Variants in CLIP4 observed in about 807,000 individuals in gnomAD.
CLIP4 encodes CAP-Gly domain containing linker protein family member 4, also known as CAP-Gly domain-containing linker protein 4.
In CLIP4, 47 loss-of-function variants were observed where a neutral mutation model predicts 73.1. That is an observed-to-expected ratio of 0.64 (90% CI 0.51 to 0.82). The LOEUF (loss-of-function observed/expected upper bound fraction) is 0.82. Ranked by LOEUF, CLIP4 falls within the 40% of genes least tolerant of loss-of-function variation. CLIP4 has a pLI of 0.00. For missense variants in CLIP4, 874 were observed against 852.9 expected (o/e 1.02, Z -0.31); for synonymous variants, 306 against 295.4 (o/e 1.04, Z -0.37).
In CLIP4 at chr2:29,152,593, T is replaced by C; in HGVS notation, c.1022-92T>C. ...ACATGCAGTGGGCACTAAAGGTTTATATTAAAGATTTATGTTACTAATTAG... is the reference window on the plus strand; with the variant it reads ...ACATGCAGTGGGCACTAAAGGTTTACATTAAAGATTTATGTTACTAATTAG... On this transcript the variant is annotated intron_variant, in intron 8 of 15. Transcript: ENST00000320081. 3.7e-6 allele frequency: 5 copies of C among 1,341,868 alleles called. No individual in the cohort carries two copies. The South Asian group carries it at 4.2e-5, about 11-fold the overall frequency. The allele number at this position is 1,341,868 out of a possible 1,614,324, so 83.1% of individuals were successfully genotyped here.
At chr2:29,180,528 C>G (rs1464075593) in intron 15 of CLIP4, among the ~76,000 whole-genome samples, 1 of 152,036 alleles carries the variant, frequency 6.6e-6, no homozygotes, top group East Asian at 1.9e-4. Context: ...GGTGCTAAAC[C>G]TTTAACCGTA....
At chr2:29,117,683 G>C (rs150076554) in intron 1 of CLIP4, among the ~76,000 whole-genome samples, 325 of 152,332 alleles carry the variant, frequency 2.1e-3, no homozygotes, top group African/African-American at 7.3e-3. Context: ...TAGCTGGTCA[G>C]ATGCCACAGC....
At chr2:29,142,592 T>G (rs1572939103) in intron 6 of CLIP4, among the ~76,000 whole-genome samples, 1 of 152,196 alleles carries the variant, frequency 6.6e-6, no homozygotes, top group South Asian at 2.1e-4. Flanking sequence ...ATCCTAGACA[T>G]CTAATAACAT....
In CLIP4 at chr2:29,151,392, G is replaced by A. The variant is rs1038365373; in HGVS notation, c.1022-1293G>A. ...GACACTGGTTGTAATCATCATCATC[G>A]TCGTCATTATCACCAGGCTTGAGAG... is the stretch of plus-strand genomic sequence containing the variant. On this transcript the variant is annotated intron_variant, in intron 8 of 15. Transcript: ENST00000320081. 5.3e-5 allele frequency among the ~76,000 whole-genome samples: 8 copies of A among 151,960 alleles called. No homozygotes were observed. The South Asian group carries it at 1.0e-3, about 20-fold the overall frequency.
chr2:29,099,634 A>T (rs1292409626), intron 1 of CLIP4, among the ~76,000 whole-genome samples: 1 of 152,150 alleles, frequency 6.6e-6, no homozygotes, highest in Non-Finnish European at 1.5e-5. Flanking sequence ...CTGTAGTGTC[A>T]ATCCTCTGAC....
At chr2:29,170,660 A>G (rs1394876166) in intron 14 of CLIP4, among the ~76,000 whole-genome samples, 1 of 152,180 alleles carries the variant, frequency 6.6e-6, no homozygotes, top group East Asian at 1.9e-4. Flanking sequence ...TGTTTTATCT[A>G]AAAGTCATCA....
At chr2:29,152,565 A>G (rs1666644333) in intron 8 of CLIP4, 120 bp from the exon 9 acceptor site, 1 of 982,062 alleles carries the variant, frequency 1.0e-6, no homozygotes, top group Non-Finnish European at 1.5e-6. Context: ...CTCTCATCAT[A>G]GGACATGCAG....
At chr2:29,168,683 C>T (rs936229997) in intron 14 of CLIP4, among the ~76,000 whole-genome samples, 11 of 151,574 alleles carry the variant, frequency 7.3e-5, no homozygotes, top group East Asian at 1.9e-4. Flanking sequence ...CCACCACGCC[C>T]GGCTAATTTT....
In CLIP4 at chr2:29,173,169, A is replaced by C. The variant is rs371278222; in HGVS notation, c.1724-1204A>C. ...AGAGAAGATTGTGTCTACCTGTGCCAGTTGCCTGGAGGCATTGCCAACCTG... is the reference window on the plus strand; with the variant it reads ...AGAGAAGATTGTGTCTACCTGTGCCCGTTGCCTGGAGGCATTGCCAACCTG... On this transcript the variant is annotated intron_variant, in intron 14 of 15. Transcript: ENST00000320081. Among the ~76,000 whole-genome samples, 4 of 152,328 alleles carry C rather than the reference A, an allele frequency of 2.6e-5. No individual in the cohort carries two copies. The East Asian group carries it at 7.7e-4, about 29-fold the overall frequency.
intron 14 of CLIP4, among the ~76,000 whole-genome samples, chr2:29,171,220 C>T (rs1034572977): frequency 6.6e-6 from 1 of 152,122 alleles, no homozygotes. Context: ...AGTCTTTTTA[C>T]CTATAAACAT....
At chr2:29,145,074 C>A (rs1327197435) in intron 7 of CLIP4, among the ~76,000 whole-genome samples, 158 bp from the exon 8 acceptor site, 1 of 151,496 alleles carries the variant, frequency 6.6e-6, no homozygotes, top group African/African-American at 2.4e-5. Flanking sequence ...AGGAACATTA[C>A]CAAGCATAAA....
At chr2:29,179,820 A>G (rs1265643156) in intron 15 of CLIP4, among the ~76,000 whole-genome samples, 2 of 152,130 alleles carry the variant, frequency 1.3e-5, no homozygotes, top group Non-Finnish European at 1.5e-5. Flanking sequence ...TAGGTATTAC[A>G]TGTTTCTTTA....
intron 3 of CLIP4, chr2:29,131,946 C>T: frequency 2.1e-6 from 1 of 482,692 alleles, no homozygotes; most frequent in Non-Finnish European, 3.6e-6. Flanking sequence ...TAAGAATTTC[C>T]TTCAGCCTGC....
chr2:29,160,180 A>T (rs1306129361), intron 11 of CLIP4, among the ~76,000 whole-genome samples, 153 bp from the exon 12 acceptor site: 3 of 152,220 alleles, frequency 2.0e-5, no homozygotes, highest in Non-Finnish European at 2.9e-5. Context: ...GACTTATGTG[A>T]TGAAAGGCAT....
intron 4 of CLIP4, 161 bp downstream of exon 4, chr2:29,132,406 T>C (rs766203839): frequency 1.8e-5 from 11 of 621,004 alleles, no homozygotes; most frequent in Non-Finnish European, 3.1e-5. Flanking sequence ...AAAAACCATA[T>C]TCCCTTTAAT....
chr2:29,171,105 T>G (rs1667973672), intron 14 of CLIP4, among the ~76,000 whole-genome samples: 1 of 152,222 alleles, frequency 6.6e-6, no homozygotes, highest in Non-Finnish European at 1.5e-5. Flanking sequence ...GTATATAAAC[T>G]TCATAATCAG....
intron 2 of CLIP4, among the ~76,000 whole-genome samples, chr2:29,124,591 AAGT>A (rs1664473135): frequency 9.9e-6 from 1 of 101,224 alleles, no homozygotes; most frequent in Non-Finnish European, 2.3e-5. Flanking sequence ...AGACTGCTTG[AAGT>A]TGTCCCATAA....
At chr2:29,177,061 C>T (rs1226316764) in intron 15 of CLIP4, among the ~76,000 whole-genome samples, 1 of 152,110 alleles carries the variant, frequency 6.6e-6, no homozygotes, top group Non-Finnish European at 1.5e-5. Context: ...TGGCAATATC[C>T]TCACAGGTGA....
chr2:29,165,926 A>G (rs1411893922), intron 13 of CLIP4, among the ~76,000 whole-genome samples: 1 of 146,778 alleles, frequency 6.8e-6, no homozygotes, highest in East Asian at 2.0e-4. Context: ...ATTGCCTTCT[A>G]TTTGGTTTTC....
Sources: allele counts gnomAD v4.1 joint callset (sites outside exome capture counted in the v4.1 genomes callset), GRCh38; gene constraint gnomAD v4.1.1; transcripts MANE v1.5; gene names NCBI Gene and HGNC (gene_info 2026-07-23, HGNC 2026-07-21).